RBFOX1: variants seen among roughly 807,000 people sequenced by gnomAD.
The protein encoded by RBFOX1 is RNA binding protein fox-1 homolog 1.
In RBFOX1, 8 loss-of-function variants were observed where a neutral mutation model predicts 57.7. The ratio of observed to expected loss-of-function variants is 0.14; its 90% CI spans 0.08 to 0.25. The LOEUF is 0.25. Among genes scored for constraint, RBFOX1 ranks in the 10% least tolerant of loss-of-function variants. The pLI is 1.00. For missense variants in RBFOX1, 611 were observed against 548.5 expected, an observed-to-expected ratio of 1.11 and a Z score of -1.14; for synonymous variants, 326 against 222.4, an observed-to-expected ratio of 1.47 and a Z score of -4.15.
intron 2 of RBFOX1, among the ~76,000 whole-genome samples, chr16:5,581,801 C>G (rs1210314143): frequency 6.6e-6 from 1 of 152,068 alleles, no homozygotes; most frequent in African/African-American, 2.4e-5. Flanking sequence ...GAGTGGGAGG[C>G]AGACCATATG....
chr16:6,896,867 G>A (rs1198809174), intron 3 of RBFOX1, among the ~76,000 whole-genome samples: 2 of 152,098 alleles, frequency 1.3e-5, no homozygotes, highest in East Asian at 3.9e-4. Context: ...GTGGAAGAGT[G>A]GTGAGAAATG....
chr16:6,763,657 C>G (rs996304380), intron 3 of RBFOX1, among the ~76,000 whole-genome samples: 2 of 152,194 alleles, frequency 1.3e-5, no homozygotes, highest in African/African-American at 4.8e-5. Flanking sequence ...TTCTACCTCC[C>G]AGCAAAGTAT....
intron 4 of RBFOX1, among the ~76,000 whole-genome samples, chr16:7,165,716 A>G (rs2079340433): frequency 6.6e-6 from 1 of 152,008 alleles, no homozygotes; most frequent in African/African-American, 2.4e-5. Flanking sequence ...AGTGAGAGCC[A>G]CTGTGCCTAG....
chr16:6,203,053 G>T lies in RBFOX1; in HGVS notation c.-126-113942G>T, dbSNP rs1005405436. On this transcript the variant is annotated intron_variant, in intron 1 of 15. Coordinates refer to ENST00000550418, the MANE Select transcript of RBFOX1 (RefSeq NM_018723.4). ...AGCTTCCCAGAGTGCTGAGATTATA[G>T]GTGTGAGCCACCGTGCCCAGCTTAA... 1.2e-4 allele frequency among the ~76,000 whole-genome samples: 18 copies of T among 151,894 alleles called. 1 individual carries two copies. The highest frequency in any genetic ancestry group is 4.4e-4 in the African/African-American group (18 of 41,346).
At chr16:7,239,758 A>C (rs1486878399) in intron 4 of RBFOX1, among the ~76,000 whole-genome samples, 1 of 152,180 alleles carries the variant, frequency 6.6e-6, no homozygotes, top group Non-Finnish European at 1.5e-5. Context: ...GTTTCTTTGA[A>C]TCAGCAGTAA....
chr16:5,576,962 A>G (rs890711798), intron 2 of RBFOX1, among the ~76,000 whole-genome samples: 5 of 152,212 alleles, frequency 3.3e-5, no homozygotes, highest in African/African-American at 9.6e-5. Flanking sequence ...TAAGCCGTCA[A>G]TATCCTTTGG....
chr16:6,629,818 T>C (rs2154056596), intron 2 of RBFOX1, among the ~76,000 whole-genome samples: 1 of 152,346 alleles, frequency 6.6e-6, no homozygotes, highest in African/African-American at 2.4e-5. Flanking sequence ...TTTAAGATCC[T>C]TTTAATCAGA....
intron 12 of RBFOX1, among the ~76,000 whole-genome samples, chr16:7,654,179 C>T (rs1296340031): frequency 2.6e-5 from 4 of 152,238 alleles, no homozygotes; most frequent in Non-Finnish European, 4.4e-5. Context: ...CTACATGTCA[C>T]ATGTTGTTAT....
chr16:7,665,127 C>G (rs2068848091), intron 13 of RBFOX1, among the ~76,000 whole-genome samples, 159 bp downstream of exon 13: 1 of 152,156 alleles, frequency 6.6e-6, no homozygotes, highest in Non-Finnish European at 1.5e-5. Flanking sequence ...AAGCCTTCTG[C>G]TCTTGAACTT....
chr16:6,479,339 A>G (rs965509390), intron 2 of RBFOX1, among the ~76,000 whole-genome samples: 4 of 152,196 alleles, frequency 2.6e-5, no homozygotes, highest in Non-Finnish European at 5.9e-5. Context: ...TAAAACCATC[A>G]GATCTCAGGA....
intron 3 of RBFOX1, among the ~76,000 whole-genome samples, chr16:6,685,891 C>A (rs998477026): frequency 6.6e-6 from 1 of 152,066 alleles, no homozygotes; most frequent in Non-Finnish European, 1.5e-5. Flanking sequence ...GACTTCATGT[C>A]CTCTTCCATC....
chr16:7,583,141 A>C (rs1206895056), intron 6 of RBFOX1, among the ~76,000 whole-genome samples: 2 of 132,480 alleles, frequency 1.5e-5, no homozygotes. Flanking sequence ...TAAATCTTCT[A>C]GCTCATCTTT....
chr16:7,179,968 C>G (rs2082374883), intron 4 of RBFOX1, among the ~76,000 whole-genome samples: 1 of 151,930 alleles, frequency 6.6e-6, no homozygotes, highest in Non-Finnish European at 1.5e-5. Context: ...ATCTAGAACT[C>G]CTGACCTCAA....
intron 3 of RBFOX1, among the ~76,000 whole-genome samples, chr16:6,855,084 A>T (rs896177772): frequency 6.6e-6 from 1 of 152,032 alleles, no homozygotes; most frequent in Non-Finnish European, 1.5e-5. Flanking sequence ...GATGATCCCA[A>T]CAGAAGAGAA....
At chr16:5,565,890 C>T (rs976680512) in intron 2 of RBFOX1, among the ~76,000 whole-genome samples, 5 of 151,928 alleles carry the variant, frequency 3.3e-5, no homozygotes, top group African/African-American at 1.2e-4. Flanking sequence ...ATTGTAGCTC[C>T]CATAATTCCC....
At chr16:7,224,246 T>A (rs766780439) in intron 4 of RBFOX1, among the ~76,000 whole-genome samples, 19 of 151,062 alleles carry the variant, frequency 1.3e-4, no homozygotes, top group Admixed American at 4.0e-4. Flanking sequence ...ATAAAATGGC[T>A]TCTTTTAGTC....
chr16:7,045,388 C>T (rs758035709), intron 3 of RBFOX1, among the ~76,000 whole-genome samples: 4 of 152,178 alleles, frequency 2.6e-5, no homozygotes, highest in Non-Finnish European at 5.9e-5. Flanking sequence ...ATAGAGATTA[C>T]TTGAAATATC....
At chr16:7,323,389 C>A (rs955169472) in intron 4 of RBFOX1, among the ~76,000 whole-genome samples, 12 of 152,238 alleles carry the variant, frequency 7.9e-5, no homozygotes, top group Admixed American at 5.2e-4. Flanking sequence ...ATGCCACTGC[C>A]TTCCAGCCTG....
At chr16:6,565,932 T>G (rs888079923) in intron 2 of RBFOX1, among the ~76,000 whole-genome samples, 4 of 152,204 alleles carry the variant, frequency 2.6e-5, no homozygotes, top group African/African-American at 9.7e-5. Context: ...TGTTTTTGTT[T>G]TTGTTTTTTT....
Sources: gnomAD v4.1 joint callset for allele counts (sites outside exome capture counted in the v4.1 genomes callset) on GRCh38, gnomAD v4.1.1 for gene constraint, MANE v1.5 for transcripts, NCBI Gene and HGNC (gene_info 2026-07-23, HGNC 2026-07-21) for gene names.